CHUK: variants seen among roughly 807,000 people sequenced by gnomAD.
CHUK encodes the protein component of inhibitor of nuclear factor kappa B kinase complex, also known as inhibitor of nuclear factor kappa-B kinase subunit alpha.
Under a neutral mutation model 104.8 loss-of-function variants are expected in CHUK, and 35 were observed. That is an observed-to-expected ratio of 0.33 (90% CI 0.26 to 0.44). CHUK has a LOEUF of 0.44. Ranked by LOEUF, CHUK falls within the 20% of genes least tolerant of loss-of-function variation. CHUK has a pLI of 1.00. For synonymous variants in CHUK, 276 were observed against 291.9 expected (o/e 0.95, Z 0.56); for missense variants, 663 against 902.7 (o/e 0.73, Z 3.40).
chr10:100,219,270 C>T lies in CHUK; in HGVS notation c.564G>A (p.Leu188=). Residue 188 remains leucine (L), a splice_region_variant and synonymous_variant, in exon 6 of 21, where the codon CTG becomes CTA. Coordinates refer to ENST00000370397, the MANE Select transcript of CHUK (RefSeq NM_001278.5). ...TTCAAAGAAACAAAACAGGTCTCAC[C>T]AGATACTGCAGTGTTCCCACAAAAG... ...CTSFVGTLQY[L]APELFENKPY... 1 of 1,586,424 alleles carries T rather than the reference C, an allele frequency of 6.3e-7. No individual in the cohort carries two copies. Among genetic ancestry groups the T allele is most frequent in the South Asian group, 1.1e-5 (1 of 90,514 alleles).
chr10:100,204,429 C>CTGAGT, intron 13 of CHUK, 77 bp downstream of exon 13: 1 of 1,188,010 alleles, frequency 8.4e-7, no homozygotes, highest in Non-Finnish European at 1.3e-6. Context: ...AAACAACTGG[C>CTGAGT]TGAGTTAAGA....
At chr10:100,223,304 G>A (rs765607017) in intron 2 of CHUK, among the ~76,000 whole-genome samples, 1 of 152,168 alleles carries the variant, frequency 6.6e-6, no homozygotes, top group Non-Finnish European at 1.5e-5. Context: ...GAAAATTGAA[G>A]CACAAATTGG....
intron 13 of CHUK, 38 bp downstream of exon 13, chr10:100,204,468 C>A: frequency 6.3e-7 from 1 of 1,589,768 alleles, no homozygotes; most frequent in South Asian, 1.1e-5. Flanking sequence ...CTTCAAGAAA[C>A]CAGATGCTCC....
At chr10:100,219,479 C>T (rs913502293) in intron 5 of CHUK, 120 bp from the exon 6 acceptor site, 6 of 666,534 alleles carry the variant, frequency 9.0e-6, no homozygotes, top group Non-Finnish European at 1.6e-5. Context: ...TCTGTAATAA[C>T]ACAAAAATAT....
At chr10:100,226,232 C>A (rs546137167) in intron 1 of CHUK, among the ~76,000 whole-genome samples, 2 of 152,054 alleles carry the variant, frequency 1.3e-5, no homozygotes, top group Non-Finnish European at 2.9e-5. Context: ...CAACAGCATA[C>A]AAGGGAAAAG....
chr10:100,188,229 A>G (rs991518652), downstream of CHUK: 1 of 152,458 alleles, frequency 6.6e-6, no homozygotes, highest in Non-Finnish European at 1.5e-5. Flanking sequence ...TACCTTTACC[A>G]TAAGTCCTAT....
At chr10:100,206,402 T>A (rs1845592043) in intron 11 of CHUK, among the ~76,000 whole-genome samples, 1 of 151,902 alleles carries the variant, frequency 6.6e-6, no homozygotes, top group African/African-American at 2.4e-5. Flanking sequence ...AAAAACTACA[T>A]GCGTGAGTGA....
At chr10:100,219,157 C>A (rs1350166137) in intron 6 of CHUK, 25 bp from the exon 7 acceptor site, 2 of 1,611,514 alleles carry the variant, frequency 1.2e-6, no homozygotes, top group African/African-American at 2.7e-5. Flanking sequence ...ATGCTTTAAA[C>A]ACCAACACTG....
Position 100,193,428 on chromosome 10 carries a change from G to A in CHUK, c.1978C>T (p.Gln660Ter). 6.2e-7 allele frequency: 1 copy of A among 1,614,002 alleles called. No homozygotes were observed. Among genetic ancestry groups the A allele is most frequent in the African/African-American group, 1.3e-5 (1 of 75,006 alleles). The change falls in exon 19 of 21, where the codon CAG (glutamine) becomes TAG (stop). Residue 660 changes from glutamine to a stop codon, truncating the protein, a stop_gained. Transcript: ENST00000370397. LOFTEE classifies it high-confidence loss of function. ...IWHLLKIACTQSSARSLVGSS... is the reference protein window; with the variant it reads ...IWHLLKIACT ...CCTACAAGGGACCGGGCAGAACTCT[G>A]TGTCTGAAGGAAAAGAAAAAAACAT... is the stretch of plus-strand genomic sequence containing the variant.
At chr10:100,206,607 G>T (rs952181945) in intron 11 of CHUK, among the ~76,000 whole-genome samples, 7 of 152,150 alleles carry the variant, frequency 4.6e-5, no homozygotes, top group African/African-American at 1.7e-4. Flanking sequence ...GATTACACAA[G>T]TATCTAAATT....
intron 16 of CHUK, among the ~76,000 whole-genome samples, chr10:100,197,737 C>T (rs1461686704): frequency 6.6e-6 from 1 of 152,110 alleles, no homozygotes; most frequent in East Asian, 1.9e-4. Context: ...CTCATATCTA[C>T]GAGAGCCACC....
chr10:100,210,859 G>A (rs1043030201), intron 9 of CHUK, among the ~76,000 whole-genome samples: 2 of 152,164 alleles, frequency 1.3e-5, no homozygotes, highest in Non-Finnish European at 2.9e-5. Flanking sequence ...TGAGTCAGGT[G>A]GGGCTCTGTC....
Position 100,205,288 on chromosome 10 carries a change from G to C in CHUK, c.1232-89C>G. The C allele has an allele frequency of 2.9e-6, 4 of 1,357,528 alleles. 1 individual carries two copies. The South Asian group carries it at 4.7e-5, about 16-fold the overall frequency. 84.1% of individuals were successfully genotyped at this position (1,357,528 alleles called of 1,614,324 possible). A position where few individuals can be genotyped will look rare whatever the true frequency, so the allele number is the denominator to read the frequency against. ...GATTTATCATTCTTTGTGATTTCCT[G>C]TCCACACAAACAGGATTCCCATAGA... On this transcript the variant is annotated intron_variant, in intron 11 of 20. Transcript: ENST00000370397.
intron 18 of CHUK, 32 bp from the exon 19 acceptor site, chr10:100,193,463 A>G (rs764326844): frequency 9.9e-6 from 16 of 1,613,302 alleles, no homozygotes; most frequent in Non-Finnish European, 1.4e-5. Flanking sequence ...TCAAAAGATT[A>G]CAGGCAAGCA....
chr10:100,203,620 CAG>C (rs1160263803), intron 13 of CHUK, among the ~76,000 whole-genome samples: 1 of 151,808 alleles, frequency 6.6e-6, no homozygotes, highest in Non-Finnish European at 1.5e-5. Flanking sequence ...TAAAAGAAAA[CAG>C]AAATGCTGGT....
At chr10:100,212,194 T>G (rs1359074222) in intron 9 of CHUK, among the ~76,000 whole-genome samples, 5 of 152,170 alleles carry the variant, frequency 3.3e-5, no homozygotes, top group Admixed American at 6.5e-5. Flanking sequence ...GTAGTTCTAT[T>G]TTTAATTTTG....
intron 15 of CHUK, 145 bp downstream of exon 15, chr10:100,200,526 G>A (rs964419346): frequency 7.8e-6 from 5 of 643,570 alleles, no homozygotes; most frequent in African/African-American, 1.8e-5. Flanking sequence ...CTGAGAAAAA[G>A]CTTCCATTTT....
chr10:100,200,181 A>G (rs1845429275), intron 15 of CHUK, among the ~76,000 whole-genome samples, 161 bp from the exon 16 acceptor site: 1 of 152,240 alleles, frequency 6.6e-6, no homozygotes, highest in Non-Finnish European at 1.5e-5. Flanking sequence ...AATAAGAACT[A>G]TACAAGTTCT....
At chr10:100,201,633 T>C (rs17882746) in intron 14 of CHUK, among the ~76,000 whole-genome samples, 312 of 152,236 alleles carry the variant, frequency 2.0e-3, no homozygotes, top group African/African-American at 7.2e-3. Context: ...GGTGGGAGGA[T>C]TGCTTAAGCC....
Sources: allele counts gnomAD v4.1 joint callset (sites outside exome capture counted in the v4.1 genomes callset), GRCh38; gene constraint gnomAD v4.1.1; transcripts MANE v1.5; gene names NCBI Gene and HGNC (gene_info 2026-07-23, HGNC 2026-07-21).